SPCS2: variants seen among roughly 807,000 people sequenced by gnomAD.
SPCS2 encodes SPase 25 kDa subunit.
SPCS2 carries 3 observed loss-of-function variants against 22.3 expected under a neutral mutation model. That is an observed-to-expected ratio of 0.13 (90% CI 0.06 to 0.35). The LOEUF is 0.35. Ranked by LOEUF, SPCS2 falls within the 10% of genes least tolerant of loss-of-function variation. The pLI, the probability that SPCS2 is intolerant of heterozygous loss-of-function variation, is 1.00. For synonymous variants in SPCS2, 67 were observed against 97.2 expected (o/e 0.69, Z 1.83); for missense variants, 169 against 280.9 (o/e 0.60, Z 2.85).
At chr11:74,957,137 G>A (rs1948484401) in intron 1 of SPCS2, among the ~76,000 whole-genome samples, 1 of 152,048 alleles carries the variant, frequency 6.6e-6, no homozygotes, top group Non-Finnish European at 1.5e-5. Context: ...ATCCCTAGTG[G>A]CTAGAACAGT....
chr11:74,967,876 G>A lies in SPCS2; in HGVS notation c.360-1689G>A, dbSNP rs149797290. Among the ~76,000 whole-genome samples, 384 of 152,300 alleles carry A rather than the reference G, an allele frequency of 2.5e-3. 2 individuals are homozygous for A. Among genetic ancestry groups the A allele is most frequent in the African/African-American group, 8.9e-3 (368 of 41,552 alleles). On this transcript the variant is annotated intron_variant, in intron 3 of 4. Coordinates refer to ENST00000263672, the MANE Select transcript of SPCS2 (RefSeq NM_014752.3). ...TTGAGCCTGGGATGTTGAGGCTGCA[G>A]TGAGCTGAGATCATGCCACTGTACT...
chr11:74,953,892 A>T (rs759955301), intron 1 of SPCS2, among the ~76,000 whole-genome samples: 1 of 152,132 alleles, frequency 6.6e-6, no homozygotes, highest in East Asian at 1.9e-4. Context: ...AGAAGCTATT[A>T]TCTAGACCCT....
chr11:74,978,092 G>C lies in SPCS2; in HGVS notation c.*1049G>C, dbSNP rs953947744. ...TTCAAACCTGGGGAGTCCGGCTTCA[G>C]AGTTTGTGGTCCTGCAGAGACAAAA... On this transcript the variant is annotated 3_prime_UTR_variant, in exon 5 of 5. Transcript: ENST00000263672. The C allele has an allele frequency of 1.3e-5, 2 of 152,222 alleles. No homozygotes were observed. The highest frequency in any genetic ancestry group is 4.8e-5 in the African/African-American group (2 of 41,464). 9.4% of individuals were successfully genotyped at this position (152,222 alleles called of 1,614,324 possible).
At chr11:74,973,530 G>C (rs534775710) in intron 4 of SPCS2, among the ~76,000 whole-genome samples, 18 of 152,124 alleles carry the variant, frequency 1.2e-4, no homozygotes, top group Non-Finnish European at 2.2e-4. Flanking sequence ...TCAGTTTTAA[G>C]TATCCCACCC....
intron 1 of SPCS2, 141 bp downstream of exon 1, chr11:74,949,540 C>A: frequency 2.7e-6 from 2 of 751,130 alleles, no homozygotes; most frequent in Non-Finnish European, 4.6e-6. Flanking sequence ...ACCCTACGCA[C>A]GCTTGGAGCC....
At chr11:74,957,363 A>G (rs1948486036) in intron 1 of SPCS2, among the ~76,000 whole-genome samples, 1 of 152,206 alleles carries the variant, frequency 6.6e-6, no homozygotes, top group Admixed American at 6.5e-5. Flanking sequence ...GCAGTAGGAG[A>G]TGGATTTCAG....
intron 4 of SPCS2, among the ~76,000 whole-genome samples, chr11:74,970,161 C>T (rs886201557): frequency 1.3e-5 from 2 of 152,160 alleles, no homozygotes; most frequent in African/African-American, 2.4e-5. Flanking sequence ...AGCTGACACA[C>T]ATGTGTTTTG....
intron 1 of SPCS2, among the ~76,000 whole-genome samples, chr11:74,956,958 C>T (rs1028843937): frequency 2.6e-5 from 4 of 152,104 alleles, no homozygotes; most frequent in African/African-American, 7.2e-5. Flanking sequence ...CAACTCTGCT[C>T]AGATGTTAAC....
At position 74,965,821 on chromosome 11, in the gene SPCS2, C is replaced by T; in HGVS notation, c.257C>T (p.Thr86Ile). The T allele has an allele frequency of 6.2e-7, 1 of 1,612,924 alleles. No homozygotes were observed. Among genetic ancestry groups the T allele is most frequent in the Non-Finnish European group, 8.5e-7 (1 of 1,179,088 alleles). The change falls in exon 3 of 5, where the codon ACC becomes ATC. Residue 86 changes from threonine (T) to isoleucine (I), a missense_variant. Around this residue, in one of 2 missense-constraint regions of SPCS2, gnomAD observed 118 missense variants for 243.1 expected, o/e 0.49. Coordinates refer to ENST00000263672, the MANE Select transcript of SPCS2 (RefSeq NM_014752.3). Reference sequence around the variant, plus strand: ...TTTGGTCTAATTGATGGTCGCCTCACCATCTGTACAATCTCCTGTTTCTTT... The same window carrying T: ...TTTGGTCTAATTGATGGTCGCCTCATCATCTGTACAATCTCCTGTTTCTTT... ...ENFGLIDGRLTICTISCFFAI... is the reference protein window; with the variant it reads ...ENFGLIDGRLIICTISCFFAI...
intron 1 of SPCS2, among the ~76,000 whole-genome samples, chr11:74,953,935 C>A (rs916711171): frequency 6.6e-6 from 1 of 152,220 alleles, no homozygotes; most frequent in Non-Finnish European, 1.5e-5. Context: ...TGTCTCCTGG[C>A]TGGCCTGTCA....
intron 1 of SPCS2, among the ~76,000 whole-genome samples, chr11:74,951,759 G>A (rs11827381): frequency 0.025 from 3,521 of 141,866 alleles, 119 homozygotes; most frequent in African/African-American, 0.089. Flanking sequence ...GCAGTGAGCC[G>A]AGATCACGCC....
At chr11:74,955,851 AATATATATATATATATATATATAT>A (rs60855711) in intron 1 of SPCS2, among the ~76,000 whole-genome samples, 6 of 55,594 alleles carry the variant, frequency 1.1e-4, no homozygotes, top group East Asian at 8.5e-4. Context: ...TACTAATTAA[AATATATATATATATATATATATAT>A]ATATATATAT....
Position 74,963,544 on chromosome 11 carries a change from ATTGT to A in SPCS2, c.115-1467_115-1464del, listed in dbSNP as rs752236848. On this transcript the variant is annotated intron_variant, in intron 1 of 4. Coordinates refer to ENST00000263672, the MANE Select transcript of SPCS2 (RefSeq NM_014752.3). ...TATCCCATCTCTTATTTTATTTTTT[ATTGT>A]TTGTTTGTTTGTTTGTTTGTTTATT... 7.4e-3 allele frequency: 2,980 copies of A among 403,680 alleles called. 57 individuals carry two copies. Among genetic ancestry groups the A allele is most frequent in the African/African-American group, 0.045 (2,095 of 46,270 alleles). 25.0% of individuals were successfully genotyped at this position (403,680 alleles called of 1,614,324 possible). A position where few individuals can be genotyped will look rare whatever the true frequency, so the allele number is the denominator to read the frequency against.
intron 4 of SPCS2, among the ~76,000 whole-genome samples, chr11:74,972,164 C>G (rs1948588457): frequency 6.6e-6 from 1 of 152,104 alleles, no homozygotes; most frequent in Non-Finnish European, 1.5e-5. Context: ...CATCCGGCTT[C>G]AAGTGATTCT....
At chr11:74,956,240 A>G (rs893198034) in intron 1 of SPCS2, among the ~76,000 whole-genome samples, 19 of 152,030 alleles carry the variant, frequency 1.2e-4, no homozygotes, top group Non-Finnish European at 2.4e-4. Context: ...CTTAAATAAC[A>G]TGTAGAAGTT....
chr11:74,972,395 T>C (rs1948589866), intron 4 of SPCS2, among the ~76,000 whole-genome samples: 1 of 152,202 alleles, frequency 6.6e-6, no homozygotes, highest in Non-Finnish European at 1.5e-5. Context: ...CATTTATGCT[T>C]ACCTCTGTTA....
intron 1 of SPCS2, among the ~76,000 whole-genome samples, chr11:74,951,951 G>A (rs758474983): frequency 6.6e-6 from 1 of 152,100 alleles, no homozygotes; most frequent in Non-Finnish European, 1.5e-5. Context: ...CAGATGTGAT[G>A]GTGTTTTATG....
chr11:74,963,379 T>C (rs1185410624), intron 1 of SPCS2, among the ~76,000 whole-genome samples: 1 of 152,190 alleles, frequency 6.6e-6, no homozygotes, highest in Non-Finnish European at 1.5e-5. Context: ...TGGCTATTTT[T>C]AGCTCATGTT....
At chr11:74,958,793 CCT>C (rs1948493782) in intron 1 of SPCS2, among the ~76,000 whole-genome samples, 1 of 152,100 alleles carries the variant, frequency 6.6e-6, no homozygotes, top group African/African-American at 2.4e-5. Context: ...CAGAATACTC[CCT>C]TTCAGTCCCC....
Sources: gnomAD v4.1 joint callset for allele counts (sites outside exome capture counted in the v4.1 genomes callset) on GRCh38, gnomAD v4.1.1 for gene constraint, gnomAD v4.1.1 regional missense constraint, MANE v1.5 for transcripts, NCBI Gene and HGNC (gene_info 2026-07-23, HGNC 2026-07-21) for gene names.